Variants in SQOR observed in about 807,000 individuals in gnomAD.
SQOR encodes sulfide:quinone oxidoreductase, mitochondrial.
A neutral mutation model predicts 48.6 loss-of-function variants in SQOR; 39 were observed. The observed-to-expected ratio is 0.80, with a 90% confidence interval of 0.62 to 1.05. The LOEUF is 1.05. Ranked by LOEUF, SQOR falls within the 50% of genes least tolerant of loss-of-function variation. SQOR has a pLI of 0.00. For missense variants in SQOR, 561 were observed against 559.9 expected (o/e 1.00, Z -0.02); for synonymous variants, 220 against 206.2 (o/e 1.07, Z -0.57).
At chr15:45,671,329 AT>A (rs893757695) in intron 4 of SQOR, among the ~76,000 whole-genome samples, 2 of 151,552 alleles carry the variant, frequency 1.3e-5, no homozygotes, top group African/African-American at 4.9e-5. Context: ...TAATTTTTGT[AT>A]TTTTTTTAGT....
chr15:45,683,623 C>T (rs1223159831), intron 7 of SQOR, among the ~76,000 whole-genome samples: 1 of 152,080 alleles, frequency 6.6e-6, no homozygotes, highest in Non-Finnish European at 1.5e-5. Flanking sequence ...GTTACTTTTG[C>T]TGACTATTTC....
chr15:45,648,471 CA>C (rs1317358289), intron 1 of SQOR, among the ~76,000 whole-genome samples: 1 of 152,198 alleles, frequency 6.6e-6, no homozygotes, highest in African/African-American at 2.4e-5. Flanking sequence ...CCACCACACC[CA>C]GCCAGAATAG....
At chr15:45,636,490 G>A (rs1373620432) in intron 1 of SQOR, among the ~76,000 whole-genome samples, 2 of 148,460 alleles carry the variant, frequency 1.3e-5, no homozygotes, top group African/African-American at 5.0e-5. Flanking sequence ...TGCAACCTCC[G>A]CCTGCTGGGT....
intron 7 of SQOR, among the ~76,000 whole-genome samples, chr15:45,683,782 C>G (rs923452453): frequency 2.6e-5 from 4 of 151,594 alleles, no homozygotes; most frequent in Non-Finnish European, 4.4e-5. Context: ...CAGGTATTAA[C>G]CAATTATTAA....
chr15:45,655,770 G>A (rs544319576), intron 1 of SQOR, among the ~76,000 whole-genome samples: 3 of 149,524 alleles, frequency 2.0e-5, no homozygotes, highest in South Asian at 4.2e-4. Flanking sequence ...TGCAACCTTC[G>A]CCTCACGGGT....
At position 45,662,080 on chromosome 15, in the gene SQOR, G is replaced by A. The variant is rs372368130; in HGVS notation, c.360G>A (p.Glu120=). ...GVEWIKARVT[E]LNPDKNCIHT... ...AATGGATCAAAGCTAGAGTGACTGA[G>A]TTGAACCCAGACAAGAACTGCATTC... Residue 120 remains glutamate (E), a synonymous_variant, in exon 3 of 10, where the codon GAG becomes GAA. Transcript: ENST00000260324. The A allele has an allele frequency of 2.0e-5, 33 of 1,614,090 alleles. No homozygotes were observed. In the African/African-American group the frequency reaches 4.0e-4, roughly 20 times the overall value.
At chr15:45,660,855 C>T (rs977596659) in intron 2 of SQOR, among the ~76,000 whole-genome samples, 4 of 152,060 alleles carry the variant, frequency 2.6e-5, no homozygotes, top group African/African-American at 9.7e-5. Context: ...TGGCCAGCTA[C>T]TTTGAGGCAT....
rs542198552 is a variant in SQOR, at chr15:45,680,369, C to G, written c.865-2109C>G. ...TTGGCCTCCCAAAGTGTTGGGATTA[C>G]AGGTGTGAGCCACCACACCTGGCCC... On this transcript the variant is annotated intron_variant, in intron 6 of 9. Coordinates refer to ENST00000260324, the MANE Select transcript of SQOR (RefSeq NM_021199.4). 1.3e-5 allele frequency among the ~76,000 whole-genome samples: 2 copies of G among 151,864 alleles called. 1 individual carries two copies. The highest frequency in any genetic ancestry group is 4.2e-4 in the South Asian group (2 of 4,812).
At chr15:45,648,930 C>T (rs1182522015) in intron 1 of SQOR, among the ~76,000 whole-genome samples, 1 of 152,210 alleles carries the variant, frequency 6.6e-6, no homozygotes, top group African/African-American at 2.4e-5. Context: ...CTGGCCTAGG[C>T]TTGAGAGGAA....
chr15:45,672,475 A>G (rs532704050), intron 4 of SQOR, among the ~76,000 whole-genome samples: 1 of 152,176 alleles, frequency 6.6e-6, no homozygotes, highest in Non-Finnish European at 1.5e-5. Context: ...TGTGATAAGT[A>G]ATGAACTCAG....
At chr15:45,654,778 G>A (rs991790227) in intron 1 of SQOR, among the ~76,000 whole-genome samples, 3 of 152,256 alleles carry the variant, frequency 2.0e-5, no homozygotes, top group Middle Eastern at 3.4e-3. Context: ...GTGGAAAGAC[G>A]TGGCCGGTGG....
At chr15:45,668,264 T>A (rs768760085) in intron 3 of SQOR, among the ~76,000 whole-genome samples, 4 of 152,170 alleles carry the variant, frequency 2.6e-5, no homozygotes, top group African/African-American at 9.7e-5. Context: ...TTTCTATGGA[T>A]AGGCAAAACA....
chr15:45,666,494 A>G (rs139601308), intron 3 of SQOR, among the ~76,000 whole-genome samples: 88 of 152,298 alleles, frequency 5.8e-4, no homozygotes, highest in African/African-American at 2.1e-3. Context: ...AATAGTACCT[A>G]GATACCTTAT....
chr15:45,637,294 G>C (rs565607992), intron 1 of SQOR, among the ~76,000 whole-genome samples: 1 of 152,156 alleles, frequency 6.6e-6, no homozygotes, highest in South Asian at 2.1e-4. Context: ...ATTTCTTTTC[G>C]CCTCAGCTTC....
intron 1 of SQOR, among the ~76,000 whole-genome samples, chr15:45,645,142 C>T (rs1895181803): frequency 6.6e-6 from 1 of 152,144 alleles, no homozygotes; most frequent in Non-Finnish European, 1.5e-5. Flanking sequence ...TAATGCAGTG[C>T]CATTGATATG....
At position 45,691,127 on chromosome 15, in the gene SQOR, TG is replaced by T; in HGVS notation, c.*98del. ...GCACGAAGGACTTGGAACCTATCCT[TG>T]TAAAGAGTTCCTTGATGGGTAATGG... On this transcript the variant is annotated 3_prime_UTR_variant, in exon 10 of 10. Coordinates refer to ENST00000260324, the MANE Select transcript of SQOR (RefSeq NM_021199.4). 3.7e-6 allele frequency: 4 copies of T among 1,078,458 alleles called. No homozygotes were observed. The highest frequency in any genetic ancestry group is 4.3e-6 in the Non-Finnish European group (3 of 692,370). 66.8% of individuals were successfully genotyped at this position (1,078,458 alleles called of 1,614,324 possible). A position where few individuals can be genotyped will look rare whatever the true frequency, so the allele number is the denominator to read the frequency against.
intron 1 of SQOR, among the ~76,000 whole-genome samples, chr15:45,648,770 T>A (rs1889403402): frequency 6.6e-6 from 1 of 152,180 alleles, no homozygotes; most frequent in African/African-American, 2.4e-5. Context: ...TTGGGCCAGG[T>A]CTGGCGGGAA....
chr15:45,639,704 A>G (rs535448040), intron 1 of SQOR, among the ~76,000 whole-genome samples: 94 of 152,156 alleles, frequency 6.2e-4, no homozygotes, highest in Non-Finnish European at 9.8e-4. Flanking sequence ...CCATGTTTGG[A>G]GTATAGATTG....
At chr15:45,643,230 C>T (rs955963814) in intron 1 of SQOR, among the ~76,000 whole-genome samples, 10 of 152,190 alleles carry the variant, frequency 6.6e-5, no homozygotes, top group African/African-American at 2.4e-4. Context: ...GAGTCTTGCT[C>T]TGTCACCCAG....
Sources: allele counts gnomAD v4.1 joint callset (sites outside exome capture counted in the v4.1 genomes callset), GRCh38; gene constraint gnomAD v4.1.1; transcripts MANE v1.5; gene names NCBI Gene and HGNC (gene_info 2026-07-23, HGNC 2026-07-21).